NUDC: variants seen among roughly 807,000 people sequenced by gnomAD.
NUDC encodes the protein nuclear distribution C, dynein complex regulator.
Under a neutral mutation model 45.0 loss-of-function variants are expected in NUDC, and 14 were observed. That is an observed-to-expected ratio of 0.31 (90% CI 0.21 to 0.49). The LOEUF is 0.49. Among genes scored for constraint, NUDC ranks in the 20% least tolerant of loss-of-function variants. The probability of loss-of-function intolerance (pLI) is 0.99; values close to 1 mark genes in which losing one functional copy is unlikely to be tolerated. For synonymous variants in NUDC, 153 were observed against 156.7 expected (o/e 0.98, Z 0.17); for missense variants, 323 against 426.2 (o/e 0.76, Z 2.13).
chr1:26,925,457 G>A (rs1307217558), intron 2 of NUDC, among the ~76,000 whole-genome samples: 3 of 145,160 alleles, frequency 2.1e-5, no homozygotes, highest in Admixed American at 6.9e-5. Flanking sequence ...GGAGAATGGC[G>A]TGAACCCCGG....
Position 26,942,654 on chromosome 1 carries a change from A to G in NUDC, c.430-6A>G. On this transcript the variant is annotated splice_polypyrimidine_tract_variant and splice_region_variant and intron_variant, in intron 4 of 8. Coordinates refer to ENST00000321265, the MANE Select transcript of NUDC (RefSeq NM_006600.4). ...TAAGTAGCTGAGTGTCCCTGATTGT[A>G]AGCAGGATACTGAGGAAGATGAGGA... The G allele has an allele frequency of 6.2e-7, 1 of 1,614,034 alleles. No homozygotes were observed. The highest frequency in any genetic ancestry group is 8.5e-7 in the Non-Finnish European group (1 of 1,180,004).
At chr1:26,902,408 G>A (rs1043221060) in intron 2 of NUDC, 1 of 152,180 alleles carries the variant, frequency 6.6e-6, no homozygotes, top group Non-Finnish European at 1.5e-5. Flanking sequence ...TGCCACTCCT[G>A]ATCATCCCAC....
intron 2 of NUDC, among the ~76,000 whole-genome samples, chr1:26,910,313 G>A (rs1356533341): frequency 2.0e-5 from 3 of 152,110 alleles, no homozygotes; most frequent in African/African-American, 7.2e-5. Context: ...TGTGTGTGTT[G>A]GGGGGTGTCC....
chr1:26,900,432 G>T (rs199535390), intron 1 of NUDC: 14 of 1,609,144 alleles, frequency 8.7e-6, no homozygotes, highest in Non-Finnish European at 1.2e-5. Flanking sequence ...CGCCTCGCCG[G>T]GCACCGCCAT....
At chr1:26,924,361 G>T (rs1315327657) in intron 2 of NUDC, among the ~76,000 whole-genome samples, 195 bp downstream of exon 2, 2 of 152,110 alleles carry the variant, frequency 1.3e-5, no homozygotes, top group African/African-American at 2.4e-5. Context: ...TATTTCCCAT[G>T]ACTTTTGCAG....
intron 2 of NUDC, among the ~76,000 whole-genome samples, chr1:26,938,326 A>G (rs2082250314): frequency 6.6e-6 from 1 of 152,148 alleles, no homozygotes; most frequent in African/African-American, 2.4e-5. Flanking sequence ...AGGAAGTACA[A>G]ATGGGATGTG....
upstream of NUDC, among the ~76,000 whole-genome samples, chr1:26,918,648 C>T (rs1003571652): frequency 2.0e-5 from 3 of 150,448 alleles, no homozygotes; most frequent in African/African-American, 4.9e-5. Context: ...AATCTCGGCT[C>T]GCTACAACTT....
At chr1:26,914,178 C>T (rs544151232) in intron 3 of NUDC, among the ~76,000 whole-genome samples, 5 of 152,286 alleles carry the variant, frequency 3.3e-5, no homozygotes, top group Admixed American at 6.5e-5. Context: ...ATGAAGTGGC[C>T]GGTGCAGGGC....
upstream of NUDC, among the ~76,000 whole-genome samples, chr1:26,920,654 G>A (rs1014706189): frequency 1.3e-5 from 2 of 151,980 alleles, no homozygotes; most frequent in African/African-American, 4.8e-5. Flanking sequence ...GGGCATGGTG[G>A]CTCACACCTG....
chr1:26,914,426 T>C (rs1413237301), intron 3 of NUDC, among the ~76,000 whole-genome samples: 3 of 152,124 alleles, frequency 2.0e-5, no homozygotes, highest in Admixed American at 2.0e-4. Context: ...GCCTTATCAC[T>C]AGCTTGTTTG....
At chr1:26,940,449 C>T (rs2082267308) in intron 2 of NUDC, among the ~76,000 whole-genome samples, 2 of 149,120 alleles carry the variant, frequency 1.3e-5, no homozygotes, top group South Asian at 2.1e-4. Context: ...GCACTCCAGC[C>T]TGGGCAACAA....
intron 3 of NUDC, chr1:26,913,608 C>T (rs190513279): frequency 1.2e-6 from 2 of 1,614,074 alleles, no homozygotes; most frequent in East Asian, 2.2e-5. Flanking sequence ...GCACCGGGGC[C>T]TCAGCCACCT....
chr1:26,928,074 G>A (rs2082148986), intron 2 of NUDC, among the ~76,000 whole-genome samples: 1 of 152,142 alleles, frequency 6.6e-6, no homozygotes, highest in Non-Finnish European at 1.5e-5. Context: ...CTTGAATACA[G>A]CCATAGTGAT....
chr1:26,946,041 A>C, intron 8 of NUDC, 89 bp from the exon 9 acceptor site: 1 of 1,296,866 alleles, frequency 7.7e-7, no homozygotes, highest in Non-Finnish European at 1.1e-6. Flanking sequence ...TGAGGTCTAA[A>C]GAGATTAGAC....
In NUDC at chr1:26,940,204, C is replaced by T. The variant is rs184176342; in HGVS notation, c.160-1253C>T. Among the ~76,000 whole-genome samples the T allele has an allele frequency of 4.3e-4, 65 of 151,976 alleles. No homozygotes were observed. The East Asian group carries it at 7.4e-3, about 17-fold the overall frequency. ...ATAATCCCAGCACTTTGACCGGGCA[C>T]GGTGGCTCACACCTATAATCCCAGC... On this transcript the variant is annotated intron_variant, in intron 2 of 8. Transcript: ENST00000321265.
In NUDC at chr1:26,905,256, G is replaced by A. The variant is rs530819259; in HGVS notation, c.-16+2890G>A. ...GCTCACTGCAACCTCCGCCTCCTGGGTTCAGGCGATTCTCCTGCCTCAGCT... is the reference window on the plus strand; with the variant it reads ...GCTCACTGCAACCTCCGCCTCCTGGATTCAGGCGATTCTCCTGCCTCAGCT... On this transcript the variant is annotated intron_variant, in intron 2 of 6. Transcript: ENST00000435827. Among the ~76,000 whole-genome samples, 4 of 148,702 alleles carry A rather than the reference G, an allele frequency of 2.7e-5. No homozygotes were observed. In the South Asian group the frequency reaches 6.4e-4, roughly 24 times the overall value.
At position 26,946,366 on chromosome 1, in the gene NUDC, A is replaced by C. The variant is rs770373254; in HGVS notation, c.*185A>C. The stretch of plus-strand genomic sequence containing the variant: ...GGACCTTGTCCTCCCCAGTTGGCCT[A>C]CTGTTACACATTAAAACGATTTGCC... On this transcript the variant is annotated 3_prime_UTR_variant, in exon 9 of 9. Coordinates refer to ENST00000321265, the MANE Select transcript of NUDC (RefSeq NM_006600.4). 37 of 652,624 alleles carry C rather than the reference A, an allele frequency of 5.7e-5. 1 individual carries two copies. The highest frequency in any genetic ancestry group is 8.2e-4 in the Middle Eastern group (2 of 2,448). 40.4% of individuals were successfully genotyped at this position (652,624 alleles called of 1,614,324 possible).
chr1:26,900,357 A>G, exon 1 of NUDC: 1 of 1,614,068 alleles, frequency 6.2e-7, no homozygotes, highest in Non-Finnish European at 8.5e-7. Context: ...ATAGCTCCGT[A>G]AATGGGCCGA....
chr1:26,938,548 G>C (rs539550260), intron 2 of NUDC, among the ~76,000 whole-genome samples: 1 of 152,292 alleles, frequency 6.6e-6, no homozygotes, highest in Admixed American at 6.5e-5. Context: ...TGGTTTAGGG[G>C]GTACGTTTGG....
Sources: gnomAD v4.1 joint callset for allele counts (sites outside exome capture counted in the v4.1 genomes callset) on GRCh38, gnomAD v4.1.1 for gene constraint, MANE v1.5 for transcripts, NCBI Gene and HGNC (gene_info 2026-07-23, HGNC 2026-07-21) for gene names.